Variants in DOCK9 observed in about 807,000 individuals in gnomAD.
The protein encoded by DOCK9 is dedicator of cytokinesis protein 9.
A neutral mutation model predicts 263.3 loss-of-function variants in DOCK9; 89 were observed. The ratio of observed to expected loss-of-function variants is 0.34; its 90% CI spans 0.28 to 0.40. The LOEUF (loss-of-function observed/expected upper bound fraction) is 0.40. Ranked by LOEUF, DOCK9 falls within the 10% of genes least tolerant of loss-of-function variation. The probability of loss-of-function intolerance (pLI) is 1.00; values close to 1 mark genes in which losing one functional copy is unlikely to be tolerated. For missense variants in DOCK9, 2,140 were observed against 2,603.4 expected (o/e 0.82, Z 3.87); for synonymous variants, 976 against 973.1 (o/e 1.00, Z -0.06).
chr13:99,050,090 T>C (rs1021061904), intron 1 of DOCK9, among the ~76,000 whole-genome samples: 3 of 152,236 alleles, frequency 2.0e-5, no homozygotes, highest in Non-Finnish European at 4.4e-5. Flanking sequence ...ACATGTAAGA[T>C]GACACCTGCT....
At chr13:98,875,868 C>G (rs1008472693) in intron 27 of DOCK9, among the ~76,000 whole-genome samples, 16 of 152,198 alleles carry the variant, frequency 1.1e-4, no homozygotes, top group African/African-American at 3.6e-4. Flanking sequence ...GATTCACACC[C>G]TTCCTCAGTA....
rs563100581 is a variant in DOCK9 at position 98,809,289 on chromosome 13, G to T, written c.5367+63C>A. The T allele has an allele frequency of 1.8e-3, 2,440 of 1,371,156 alleles. 24 individuals carry two copies. In the African/African-American group the frequency reaches 0.029, roughly 16 times the overall value. 84.9% of individuals were successfully genotyped at this position (1,371,156 alleles called of 1,614,324 possible). On this transcript the variant is annotated intron_variant, in intron 47 of 52. Coordinates refer to ENST00000682017, the MANE Select transcript of DOCK9 (RefSeq NM_001366683.2). The stretch of plus-strand genomic sequence containing the variant: ...ATAACTTTATTATAGTTTTTTTTTT[G>T]TTTTTGTTTTTGTTTTTTTTTAAAG...
intron 1 of DOCK9, among the ~76,000 whole-genome samples, chr13:99,055,946 C>A: frequency 6.6e-6 from 1 of 152,120 alleles, no homozygotes; most frequent in East Asian, 1.9e-4. Flanking sequence ...TCCAAAAGCA[C>A]TGTCAGGACC....
intron 1 of DOCK9, among the ~76,000 whole-genome samples, chr13:99,043,673 G>A (rs1208425637): frequency 2.0e-5 from 3 of 152,176 alleles, no homozygotes; most frequent in Non-Finnish European, 2.9e-5. Flanking sequence ...CGGGGTAAGG[G>A]AAGGGAGCTG....
intron 27 of DOCK9, among the ~76,000 whole-genome samples, chr13:98,869,044 T>C (rs2094122733): frequency 6.6e-6 from 1 of 152,242 alleles, no homozygotes. Context: ...TTGATGATTC[T>C]GATGCCTGTA....
rs141830266 is a variant in DOCK9 at position 98,920,959 on chromosome 13, C to T, written c.712G>A (p.Val238Ile). 1.3e-4 allele frequency: 205 copies of T among 1,602,544 alleles called. No individual in the cohort carries two copies. In the East Asian group the frequency reaches 2.1e-3, roughly 17 times the overall value. The change falls in exon 7 of 53, where the codon GTT (valine) becomes ATT (isoleucine). Residue 238 changes from valine to isoleucine, a missense_variant. Around this residue, in one of 2 missense-constraint regions of DOCK9, gnomAD observed 1,521 missense variants for 1,741.7 expected, o/e 0.87. Coordinates refer to ENST00000682017, the MANE Select transcript of DOCK9 (RefSeq NM_001366683.2). The stretch of plus-strand genomic sequence containing the variant: ...AAAACTCTTTTCATATTTACCTGAA[C>T]GACACCCATACAGGAATCCAGAAAT... ...SIFLDSCMGV[V>I]QNNKVRRFAF...
chr13:98,922,694 C>T (rs2052257118), intron 5 of DOCK9, among the ~76,000 whole-genome samples: 2 of 152,144 alleles, frequency 1.3e-5, no homozygotes, highest in African/African-American at 4.8e-5. Flanking sequence ...TGTTATAGCT[C>T]AGCTGACAAT....
chr13:99,029,081 TA>T (rs1445391149), intron 1 of DOCK9, among the ~76,000 whole-genome samples: 4 of 152,228 alleles, frequency 2.6e-5, no homozygotes, highest in Non-Finnish European at 5.9e-5. Flanking sequence ...CTGCTGGCTT[TA>T]GCTCTCAGTG....
At chr13:99,023,661 T>A (rs1886382122) in intron 1 of DOCK9, among the ~76,000 whole-genome samples, 1 of 152,166 alleles carries the variant, frequency 6.6e-6, no homozygotes, top group African/African-American at 2.4e-5. Context: ...CCATATTTTT[T>A]AAAAATAGAA....
rs560650864 is a variant in DOCK9, at chr13:98,886,761, GC to G, written c.2044-138del. The G allele has an allele frequency of 1.5e-3, 1,162 of 754,874 alleles. 25 individuals carry two copies. In the South Asian group the frequency reaches 0.021, roughly 14 times the overall value. The allele number at this position is 754,874 out of a possible 1,614,324, so 46.8% of individuals were successfully genotyped here. A position where few individuals can be genotyped will look rare whatever the true frequency, so the allele number is the denominator to read the frequency against. ...CCTCTGATGGGCCCCAGGCCTGTGA[GC>G]CCCGGACTGCTGGGTCCTGCCCACC... On this transcript the variant is annotated intron_variant, in intron 18 of 52. Transcript: ENST00000682017.
At chr13:98,843,357 C>CATAT (rs200978735) in intron 38 of DOCK9, among the ~76,000 whole-genome samples, 1 of 152,008 alleles carries the variant, frequency 6.6e-6, no homozygotes, top group Non-Finnish European at 1.5e-5. Flanking sequence ...CAAACATGTA[C>CATAT]ATATATATAA....
At chr13:98,911,872 C>A (rs2050103326) in intron 9 of DOCK9, among the ~76,000 whole-genome samples, 1 of 83,924 alleles carries the variant, frequency 1.2e-5, no homozygotes, top group Admixed American at 1.4e-4. Context: ...ATTAAAAAAA[C>A]ACTTTTTTTT....
chr13:99,084,266 C>G (rs1194154189), intron 1 of DOCK9, among the ~76,000 whole-genome samples: 1 of 152,208 alleles, frequency 6.6e-6, no homozygotes, highest in Non-Finnish European at 1.5e-5. Context: ...TCTGTAAGCC[C>G]TCCCAGATTC....
chr13:98,832,889 T>G (rs191445286), intron 39 of DOCK9: 2 of 152,372 alleles, frequency 1.3e-5, no homozygotes, highest in African/African-American at 4.8e-5. Context: ...CCATATAATT[T>G]TGCTACATAG....
intron 1 of DOCK9, among the ~76,000 whole-genome samples, chr13:98,973,999 C>T (rs1304276964): frequency 3.3e-5 from 5 of 152,144 alleles, no homozygotes; most frequent in Non-Finnish European, 5.9e-5. Context: ...AAGACCTGTG[C>T]TGCAGTCCCT....
At chr13:99,040,511 T>C (rs1433797926) in intron 1 of DOCK9, among the ~76,000 whole-genome samples, 1 of 152,216 alleles carries the variant, frequency 6.6e-6, no homozygotes, top group Non-Finnish European at 1.5e-5. Context: ...TTAAAAAAAA[T>C]TGTACATGGT....
intron 35 of DOCK9, among the ~76,000 whole-genome samples, chr13:98,852,486 C>A (rs1251799369): frequency 6.6e-6 from 1 of 151,848 alleles, no homozygotes; most frequent in Admixed American, 6.6e-5. Context: ...GAAGCTTGAT[C>A]TAAAAGAAAT....
At chr13:99,087,134 C>G (rs1189298067), upstream of DOCK9, among the ~76,000 whole-genome samples, 1 of 152,146 alleles carries the variant, frequency 6.6e-6, no homozygotes, top group African/African-American at 2.4e-5. Flanking sequence ...AACCCGCGGC[C>G]GGCCAGGCGG....
intron 33 of DOCK9, chr13:98,856,981 A>T (rs2093722867): frequency 6.6e-6 from 1 of 152,254 alleles, no homozygotes; most frequent in Non-Finnish European, 1.5e-5. Context: ...TGAAAAAAAC[A>T]GTATTTGAAG....
Sources: gnomAD v4.1 joint callset for allele counts (sites outside exome capture counted in the v4.1 genomes callset) on GRCh38, gnomAD v4.1.1 for gene constraint, gnomAD v4.1.1 regional missense constraint, MANE v1.5 for transcripts, NCBI Gene and HGNC (gene_info 2026-07-23, HGNC 2026-07-21) for gene names.